TRAPPC9: variants seen among roughly 807,000 people sequenced by gnomAD.
TRAPPC9 encodes the protein trafficking protein particle complex subunit 9, also known as IKK2 binding protein.
In TRAPPC9, 83 loss-of-function variants were observed where a neutral mutation model predicts 124.0. The observed-to-expected ratio is 0.67, with a 90% CI of 0.56 to 0.80. The LOEUF is 0.80. TRAPPC9 is among the 30% of genes least tolerant of loss of function. The pLI is 0.00. For missense variants in TRAPPC9, 1,302 were observed against 1,508.3 expected (o/e 0.86, Z 2.27); for synonymous variants, 638 against 617.5 (o/e 1.03, Z -0.49).
chr8:140,242,820 G>A (rs73714812), intron 16 of TRAPPC9, among the ~76,000 whole-genome samples: 1 of 152,192 alleles, frequency 6.6e-6, no homozygotes, highest in Admixed American at 6.5e-5. Context: ...GGGGAGGGAA[G>A]CTCCCCACCT....
intron 15 of TRAPPC9, among the ~76,000 whole-genome samples, chr8:140,267,436 G>A (rs1004853768): frequency 2.0e-5 from 3 of 152,206 alleles, no homozygotes; most frequent in Non-Finnish European, 4.4e-5. Context: ...CCTATGCAGC[G>A]GGTAAGAGTG....
At chr8:140,341,300 A>G (rs372305944) in intron 9 of TRAPPC9, among the ~76,000 whole-genome samples, 234 of 152,300 alleles carry the variant, frequency 1.5e-3, no homozygotes, top group Middle Eastern at 6.8e-3. Context: ...AGTTAGACTC[A>G]AGCAGCCATC....
chr8:140,062,113 C>T (rs1039712290), intron 17 of TRAPPC9, among the ~76,000 whole-genome samples: 1 of 152,188 alleles, frequency 6.6e-6, no homozygotes, highest in Non-Finnish European at 1.5e-5. Context: ...TTCCAGGACC[C>T]GCCTGACCAC....
intron 17 of TRAPPC9, among the ~76,000 whole-genome samples, chr8:140,184,022 G>A (rs1230888927): frequency 6.7e-6 from 1 of 149,890 alleles, no homozygotes; most frequent in African/African-American, 2.5e-5. Context: ...AGATCCATTG[G>A]TCTGAGCACT....
intron 10 of TRAPPC9, among the ~76,000 whole-genome samples, chr8:140,306,711 C>T (rs2066147859): frequency 6.6e-6 from 1 of 152,128 alleles, no homozygotes; most frequent in Non-Finnish European, 1.5e-5. Context: ...ATAACCAGCC[C>T]TCTGCATCAG....
At chr8:139,841,798 C>T (rs1046787703) in intron 21 of TRAPPC9, among the ~76,000 whole-genome samples, 23 of 152,354 alleles carry the variant, frequency 1.5e-4, no homozygotes, top group African/African-American at 5.5e-4. Flanking sequence ...CCCTAAAGCA[C>T]CCCAAGGCCA....
Position 139,990,445 on chromosome 8 carries a change from A to G in TRAPPC9, c.2700-1609T>C, listed in dbSNP as rs542364557. On this transcript the variant is annotated intron_variant, in intron 18 of 22. Transcript: ENST00000438773. Reference sequence around the variant, plus strand: ...TAGAGTGACAGGCCCAGAAGTTCACACACACACATATACACTCTCATACAC... The same window carrying G: ...TAGAGTGACAGGCCCAGAAGTTCACGCACACACATATACACTCTCATACAC... 3.1e-3 allele frequency among the ~76,000 whole-genome samples: 475 copies of G among 152,344 alleles called. 1 individual carries two copies. Among genetic ancestry groups the G allele is most frequent in the African/African-American group, 0.011 (451 of 41,580 alleles).
intron 20 of TRAPPC9, among the ~76,000 whole-genome samples, chr8:139,909,241 C>T (rs1201087696): frequency 1.3e-5 from 2 of 152,202 alleles, no homozygotes; most frequent in South Asian, 2.1e-4. Flanking sequence ...GCCCCTTCCC[C>T]GGAGATGGGC....
chr8:139,945,616 C>T (rs187667490), intron 19 of TRAPPC9, among the ~76,000 whole-genome samples: 1 of 136,484 alleles, frequency 7.3e-6, no homozygotes, highest in East Asian at 2.2e-4. Context: ...AACTGAACAA[C>T]ACGTGCAACT....
At chr8:140,408,695 G>A (rs1355246342) in intron 5 of TRAPPC9, among the ~76,000 whole-genome samples, 1 of 151,958 alleles carries the variant, frequency 6.6e-6, no homozygotes, top group Non-Finnish European at 1.5e-5. Context: ...GCATCCATAA[G>A]CCACAGGGTG....
intron 9 of TRAPPC9, among the ~76,000 whole-genome samples, chr8:140,334,926 G>C (rs1352600050): frequency 1.3e-5 from 2 of 152,056 alleles, no homozygotes; most frequent in African/African-American, 4.8e-5. Context: ...TACAAGAACA[G>C]AGCATGCTAC....
intron 21 of TRAPPC9, among the ~76,000 whole-genome samples, chr8:139,844,774 C>T (rs1421328945): frequency 6.6e-6 from 1 of 152,214 alleles, no homozygotes; most frequent in South Asian, 2.1e-4. Context: ...CCACCTCATT[C>T]ACCAGCTAAG....
intron 21 of TRAPPC9, among the ~76,000 whole-genome samples, chr8:139,812,950 G>A (rs1824545015): frequency 6.6e-6 from 1 of 152,218 alleles, no homozygotes; most frequent in African/African-American, 2.4e-5. Flanking sequence ...ACAGCTGCTA[G>A]AAGGTTCTAG....
chr8:140,203,107 G>C (rs1381686013), intron 17 of TRAPPC9, among the ~76,000 whole-genome samples: 1 of 152,100 alleles, frequency 6.6e-6, no homozygotes, highest in African/African-American at 2.4e-5. Context: ...TAAAATCTGG[G>C]GATCAAATGG....
chr8:140,186,650 T>C (rs1440606902), intron 17 of TRAPPC9, among the ~76,000 whole-genome samples: 1 of 152,220 alleles, frequency 6.6e-6, no homozygotes, highest in Non-Finnish European at 1.5e-5. Flanking sequence ...AGTATCCTTT[T>C]CTTCTTCACT....
chr8:140,122,023 T>TCTCTCTCTCTC (rs1563777112), intron 17 of TRAPPC9, among the ~76,000 whole-genome samples: 2,665 of 138,346 alleles, frequency 0.019, 25 homozygotes, highest in Non-Finnish European at 0.029. Context: ...CTTTCTTTCT[T>TCTCTCTCTCTC]TCTCTCTCTC....
At chr8:140,287,516 G>GC (rs1379757180) in intron 13 of TRAPPC9, 92 bp downstream of exon 13, 13 of 1,532,222 alleles carry the variant, frequency 8.5e-6, no homozygotes, top group Non-Finnish European at 9.0e-7. Flanking sequence ...GTTAGGACTG[G>GC]CATGACGGGC....
chr8:140,122,023 T>TCTCTCTCTCTCTCTCTCTC (rs1563777112), intron 17 of TRAPPC9, among the ~76,000 whole-genome samples: 7 of 138,428 alleles, frequency 5.1e-5, no homozygotes, highest in Non-Finnish European at 6.3e-5. Flanking sequence ...CTTTCTTTCT[T>TCTCTCTCTCTCTCTCTCTC]TCTCTCTCTC....
At chr8:140,360,638 G>GAA (rs10571203) in intron 8 of TRAPPC9, among the ~76,000 whole-genome samples, 4 of 148,732 alleles carry the variant, frequency 2.7e-5, no homozygotes, top group Admixed American at 6.6e-5. Flanking sequence ...AGCTAAATTA[G>GAA]AAAAAAAAAA....
Sources: allele counts gnomAD v4.1 joint callset (sites outside exome capture counted in the v4.1 genomes callset), GRCh38; gene constraint gnomAD v4.1.1; transcripts MANE v1.5; gene names NCBI Gene and HGNC (gene_info 2026-07-23, HGNC 2026-07-21).